Variants in PDPK1 observed in about 807,000 individuals in gnomAD.
The protein encoded by PDPK1 is 3-phosphoinositide-dependent protein kinase 1.
A neutral mutation model predicts 39.8 loss-of-function variants in PDPK1; 7 were observed. The observed-to-expected ratio is 0.18, with a 90% confidence interval of 0.10 to 0.33. The LOEUF (loss-of-function observed/expected upper bound fraction) is 0.33, where lower values mean the gene tolerates loss of function less well. Ranked by LOEUF, PDPK1 falls within the 10% of genes least tolerant of loss-of-function variation. The pLI is 1.00. For synonymous variants in PDPK1, 118 were observed against 159.1 expected (o/e 0.74, Z 1.95); for missense variants, 182 against 384.7 (o/e 0.47, Z 4.41).
chr16:2,587,201 G>A (rs2066895107), intron 11 of PDPK1, among the ~76,000 whole-genome samples: 1 of 152,202 alleles, frequency 6.6e-6, no homozygotes, highest in African/African-American at 2.4e-5. Flanking sequence ...AGTTTATGAG[G>A]TTTGCTGTTG....
chr16:2,551,955 T>C (rs1346261828), intron 1 of PDPK1, among the ~76,000 whole-genome samples: 1 of 151,232 alleles, frequency 6.6e-6, no homozygotes, highest in Non-Finnish European at 1.5e-5. Flanking sequence ...CATGAGCCAC[T>C]GTGCCCGGCA....
At chr16:2,587,974 A>C (rs1348100179) in intron 11 of PDPK1, among the ~76,000 whole-genome samples, 1 of 152,074 alleles carries the variant, frequency 6.6e-6, no homozygotes, top group African/African-American at 2.4e-5. Context: ...GAGGAGCCCA[A>C]GGGGGTGGGG....
intron 1 of PDPK1, among the ~76,000 whole-genome samples, chr16:2,540,266 C>T (rs995379707): frequency 1.3e-5 from 2 of 152,158 alleles, no homozygotes; most frequent in Non-Finnish European, 2.9e-5. Flanking sequence ...GCAGTGCGAG[C>T]GTGAAGGCAG....
In PDPK1 at chr16:2,601,213, C is replaced by G. The variant is rs761743692; in HGVS notation, c.*3446C>G. On this transcript the variant is annotated 3_prime_UTR_variant, in exon 14 of 14. Coordinates refer to ENST00000342085, the MANE Select transcript of PDPK1 (RefSeq NM_002613.5). The stretch of plus-strand genomic sequence containing the variant: ...TCTCTCGACCTGATGTGTAGACGCT[C>G]ACTTCCAGTAGCAGAACCACCTTAG... The G allele has an allele frequency of 4.3e-6, 1 of 233,942 alleles. No homozygotes were observed. The highest frequency in any genetic ancestry group is 8.5e-6 in the Non-Finnish European group (1 of 117,948). 14.5% of individuals were successfully genotyped at this position (233,942 alleles called of 1,614,324 possible).
intron 10 of PDPK1, 101 bp from the exon 11 acceptor site, chr16:2,586,575 G>A (rs2066879670): frequency 3.0e-6 from 3 of 987,812 alleles, no homozygotes; most frequent in East Asian, 2.4e-5. Flanking sequence ...TGCTGTGTGC[G>A]AGCTCCCAAG....
chr16:2,601,362 C>G lies in PDPK1; in HGVS notation c.*3595C>G, dbSNP rs559677768. 4.3e-6 allele frequency: 1 copy of G among 234,480 alleles called. No homozygotes were observed. Among genetic ancestry groups the G allele is most frequent in the Non-Finnish European group, 8.5e-6 (1 of 117,954 alleles). The allele number at this position is 234,480 out of a possible 1,614,324, so 14.5% of individuals were successfully genotyped here. ...GTCACTACTGCAATCCATCTGTGGC[C>G]GATTTTTTCCAAGAGCCAATTTCCT... On this transcript the variant is annotated 3_prime_UTR_variant, in exon 14 of 14. Coordinates refer to ENST00000342085, the MANE Select transcript of PDPK1 (RefSeq NM_002613.5).
In PDPK1 at chr16:2,598,170, C is replaced by T. The variant is rs956707820; in HGVS notation, c.*403C>T. 15 of 247,666 alleles carry T rather than the reference C, an allele frequency of 6.1e-5. No homozygotes were observed. The highest frequency in any genetic ancestry group is 2.8e-4 in the African/African-American group (13 of 45,696). The allele number at this position is 247,666 out of a possible 1,614,324, so 15.3% of individuals were successfully genotyped here. On this transcript the variant is annotated 3_prime_UTR_variant, in exon 14 of 14. Coordinates refer to ENST00000342085, the MANE Select transcript of PDPK1 (RefSeq NM_002613.5). ...AACTGTGTGCTGGTCCTGCTGTGGC[C>T]GAGGGGACCGGGTGTGTTTGGCTCT...
intron 1 of PDPK1, among the ~76,000 whole-genome samples, chr16:2,551,667 TTTTTTTTTTTTG>T (rs886357682): frequency 2.0e-5 from 3 of 148,326 alleles, no homozygotes; most frequent in African/African-American, 7.8e-5. Flanking sequence ...ATCTTTTTTT[TTTTTTTTTTTTG>T]TTTTTAGACG....
rs546997415 is a variant in PDPK1 at position 2,538,862 on chromosome 16, C to T, written c.24+726C>T. 2.1e-4 allele frequency: 194 copies of T among 902,354 alleles called. 3 individuals are homozygous for T. The South Asian group carries it at 3.1e-3, about 14-fold the overall frequency. The allele number at this position is 902,354 out of a possible 1,614,324, so 55.9% of individuals were successfully genotyped here. ...TGTCGCTGGTGTTTCTATATTTTCTCTCTATCGCTAAAAGTATCCCTCGTG... is the reference window on the plus strand; with the variant it reads ...TGTCGCTGGTGTTTCTATATTTTCTTTCTATCGCTAAAAGTATCCCTCGTG... On this transcript the variant is annotated intron_variant, in intron 1 of 13. Coordinates refer to ENST00000342085, the MANE Select transcript of PDPK1 (RefSeq NM_002613.5).
At chr16:2,585,655 G>C (rs112159312) in intron 10 of PDPK1, among the ~76,000 whole-genome samples, 4,159 of 152,192 alleles carry the variant, frequency 0.027, 188 homozygotes, top group African/African-American at 0.092. Context: ...AGGGGTCGGC[G>C]TGGAGGGGCC....
rs1359208428 is a variant in PDPK1 at position 2,599,669 on chromosome 16, GTC to G, written c.*1908_*1909del. The G allele has an allele frequency of 1.3e-5, 3 of 233,102 alleles. No homozygotes were observed. The highest frequency in any genetic ancestry group is 2.5e-5 in the Non-Finnish European group (3 of 118,018). The allele number at this position is 233,102 out of a possible 1,614,324, so 14.4% of individuals were successfully genotyped here. A position where few individuals can be genotyped will look rare whatever the true frequency, so the allele number is the denominator to read the frequency against. ...TGGAAAGGCTTGGCTGTGTTGGGGAGTCTCTCTTAGCCCTTTCAGGAATTTCT... is the reference window on the plus strand; with the variant it reads ...TGGAAAGGCTTGGCTGTGTTGGGGAGTCTCTTAGCCCTTTCAGGAATTTCT... On this transcript the variant is annotated 3_prime_UTR_variant, in exon 14 of 14. Coordinates refer to ENST00000342085, the MANE Select transcript of PDPK1 (RefSeq NM_002613.5).
chr16:2,591,533 C>CGTA (rs1310771367), intron 11 of PDPK1, among the ~76,000 whole-genome samples: 1 of 152,228 alleles, frequency 6.6e-6, no homozygotes, highest in Admixed American at 6.5e-5. Context: ...AACATCTACA[C>CGTA]TTATTCTTAG....
In PDPK1 at chr16:2,598,738, C is replaced by T; in HGVS notation, c.*971C>T. 4.3e-6 allele frequency: 1 copy of T among 233,316 alleles called. No homozygotes were observed. The highest frequency in any genetic ancestry group is 6.0e-5 in the East Asian group (1 of 16,578). The allele number at this position is 233,316 out of a possible 1,614,324, so 14.5% of individuals were successfully genotyped here. A position where few individuals can be genotyped will look rare whatever the true frequency, so the allele number is the denominator to read the frequency against. On this transcript the variant is annotated 3_prime_UTR_variant, in exon 14 of 14. Coordinates refer to ENST00000342085, the MANE Select transcript of PDPK1 (RefSeq NM_002613.5). The stretch of plus-strand genomic sequence containing the variant: ...AAAGGTTTAAATGTCCACGCCTCTC[C>T]AGTTGCTGAAGTAGGGTCTGAGAGA...
intron 1 of PDPK1, among the ~76,000 whole-genome samples, chr16:2,552,219 A>G (rs1196589200): frequency 6.9e-6 from 1 of 144,336 alleles, no homozygotes; most frequent in Non-Finnish European, 1.5e-5. Context: ...CCATCCTCCC[A>G]CTTCGGCCTC....
intron 1 of PDPK1, among the ~76,000 whole-genome samples, chr16:2,543,844 C>G (rs1037510032): frequency 6.6e-6 from 1 of 152,108 alleles, no homozygotes; most frequent in Non-Finnish European, 1.5e-5. Context: ...ACTTCAGCCT[C>G]CTGAGTAGCT....
chr16:2,595,739 G>C, intron 11 of PDPK1, 54 bp from the exon 12 acceptor site: 2 of 1,420,850 alleles, frequency 1.4e-6, no homozygotes, highest in Non-Finnish European at 2.0e-6. Flanking sequence ...GGAGCGTGGA[G>C]AATTTCTGTT....
chr16:2,594,624 C>T (rs1425577484), intron 11 of PDPK1: 3 of 152,230 alleles, frequency 2.0e-5, no homozygotes, highest in African/African-American at 4.8e-5. Context: ...TCCGTAAGAT[C>T]AGATAGAACA....
At chr16:2,578,277 A>T (rs560119722) in intron 7 of PDPK1, 2 of 147,692 alleles carry the variant, frequency 1.4e-5, no homozygotes, top group Admixed American at 1.4e-4. Context: ...TGAGAGACAC[A>T]GCTGGGTCTT....
chr16:2,595,409 C>T (rs1204475390), intron 11 of PDPK1, among the ~76,000 whole-genome samples: 6 of 152,248 alleles, frequency 3.9e-5, no homozygotes, highest in South Asian at 4.1e-4. Context: ...TTGTTGACTC[C>T]GCGGGCAGCC....
Sources: gnomAD v4.1 joint callset for allele counts (sites outside exome capture counted in the v4.1 genomes callset) on GRCh38, gnomAD v4.1.1 for gene constraint, MANE v1.5 for transcripts, NCBI Gene and HGNC (gene_info 2026-07-23, HGNC 2026-07-21) for gene names.